The following MOCOS variants were observed in gnomAD, a reference collection of about 807,000 sequenced individuals.
MOCOS encodes human molybdenum cofactor sulfurase.
In MOCOS, 86 loss-of-function variants were observed where a neutral mutation model predicts 83.6. The observed-to-expected ratio is 1.03, with a 90% CI of 0.86 to 1.23. The LOEUF (loss-of-function observed/expected upper bound fraction) is 1.23. MOCOS is among the 50% of genes most tolerant of loss of function. The probability of loss-of-function intolerance (pLI) is 0.00; values close to 1 mark genes in which losing one functional copy is unlikely to be tolerated. For synonymous variants in MOCOS, 445 were observed against 434.7 expected (o/e 1.02, Z -0.29); for missense variants, 1,120 against 1,126.9 (o/e 0.99, Z 0.09).
In MOCOS at chr18:36,269,971, G is replaced by T. The variant is rs892835852; in HGVS notation, c.*1286G>T. The T allele has an allele frequency of 2.6e-5, 4 of 152,240 alleles. No homozygotes were observed. The highest frequency in any genetic ancestry group is 9.6e-5 in the African/African-American group (4 of 41,458). The allele number at this position is 152,240 out of a possible 1,614,324, so 9.4% of individuals were successfully genotyped here. On this transcript the variant is annotated 3_prime_UTR_variant, in exon 15 of 15. Coordinates refer to ENST00000261326, the MANE Select transcript of MOCOS (RefSeq NM_017947.4). Reference sequence around the variant, plus strand: ...CATTATCACATTTGTAGGACTTTGTGTTGTTCCCAGCACTAGGTGAGATTT... The same window carrying T: ...CATTATCACATTTGTAGGACTTTGTTTTGTTCCCAGCACTAGGTGAGATTT...
At chr18:36,219,686 A>G (rs1437032270) in intron 8 of MOCOS, among the ~76,000 whole-genome samples, 1 of 152,198 alleles carries the variant, frequency 6.6e-6, no homozygotes, top group Non-Finnish European at 1.5e-5. Flanking sequence ...CTTAAAAACA[A>G]ACAAACAAAC....
chr18:36,270,319 A>T lies in MOCOS; in HGVS notation c.*1634A>T, dbSNP rs1287410174. The T allele has an allele frequency of 6.6e-6, 1 of 152,216 alleles. No individual in the cohort carries two copies. Among genetic ancestry groups the T allele is most frequent in the Non-Finnish European group, 1.5e-5 (1 of 68,066 alleles). The allele number at this position is 152,216 out of a possible 1,614,324, so 9.4% of individuals were successfully genotyped here. A position where few individuals can be genotyped will look rare whatever the true frequency, so the allele number is the denominator to read the frequency against. The stretch of plus-strand genomic sequence containing the variant: ...CTCAGGCCAGTTTCATGCAGGAGGG[A>T]ACTTTCCAGATGGCACATTGCCCCA... On this transcript the variant is annotated 3_prime_UTR_variant, in exon 15 of 15. Transcript: ENST00000261326.
At chr18:36,259,004 A>G (rs1246167060) in intron 12 of MOCOS, among the ~76,000 whole-genome samples, 1 of 129,924 alleles carries the variant, frequency 7.7e-6, no homozygotes. Context: ...TCAACTTAAT[A>G]TGGTGGGATC....
At chr18:36,253,109 AG>A (rs1265524612) in intron 11 of MOCOS, among the ~76,000 whole-genome samples, 1 of 152,186 alleles carries the variant, frequency 6.6e-6, no homozygotes, top group Non-Finnish European at 1.5e-5. Flanking sequence ...TGGAGAAGTG[AG>A]CAGCAGTGAA....
chr18:36,267,244 T>C (rs2091684992), intron 14 of MOCOS, among the ~76,000 whole-genome samples: 1 of 152,180 alleles, frequency 6.6e-6, no homozygotes, highest in African/African-American at 2.4e-5. Context: ...GGAAATACAT[T>C]CATTAAGCCT....
rs375285028 is a variant in MOCOS at position 36,260,216 on chromosome 18, T to C, written c.2409+41T>C. ...TTCTATTATCCTTCCTCCAGGGTTG[T>C]CAATGAAGATTGACCTCAATCCCAG... On this transcript the variant is annotated intron_variant, in intron 13 of 14. Transcript: ENST00000261326. The C allele has an allele frequency of 3.7e-6, 6 of 1,613,538 alleles. No individual in the cohort carries two copies. In the African/African-American group the frequency reaches 8.0e-5, roughly 22 times the overall value.
rs144297193 is a variant in MOCOS, at chr18:36,268,493, A to T, written c.2515-40A>T. The T allele has an allele frequency of 2.3e-4, 370 of 1,613,810 alleles. 5 individuals carry two copies. The East Asian group carries it at 8.2e-3, about 36-fold the overall frequency. On this transcript the variant is annotated intron_variant, in intron 14 of 14. Coordinates refer to ENST00000261326, the MANE Select transcript of MOCOS (RefSeq NM_017947.4). The stretch of plus-strand genomic sequence containing the variant: ...ACAAAGTTATTTTAATTGCTAAAAT[A>T]ATCTAGCCTTTTTTGTTGTTGTTGC...
chr18:36,267,454 A>G (rs2091685612), intron 14 of MOCOS, among the ~76,000 whole-genome samples: 1 of 152,248 alleles, frequency 6.6e-6, no homozygotes, highest in Non-Finnish European at 1.5e-5. Context: ...TTGAAAATTA[A>G]CAGAAATAAT....
In MOCOS at chr18:36,225,471, T is replaced by G. The variant is rs537417266; in HGVS notation, c.1960+5254T>G. Among the ~76,000 whole-genome samples, 272 of 152,308 alleles carry G rather than the reference T, an allele frequency of 1.8e-3. 1 individual carries two copies. The highest frequency in any genetic ancestry group is 6.3e-3 in the African/African-American group (264 of 41,594). On this transcript the variant is annotated intron_variant, in intron 9 of 14. Transcript: ENST00000261326. ...GGCAAGTTTTCTATTTTTCTTAGTCTAGATAAAAGCTTGTCAGTTCTGTTT... is the reference window on the plus strand; with the variant it reads ...GGCAAGTTTTCTATTTTTCTTAGTCGAGATAAAAGCTTGTCAGTTCTGTTT...
intron 13 of MOCOS, among the ~76,000 whole-genome samples, chr18:36,262,276 C>CACACACAT (rs1555656486): frequency 1.3e-5 from 2 of 151,108 alleles, no homozygotes; most frequent in African/African-American, 4.9e-5. Flanking sequence ...CACACACACA[C>CACACACAT]GAAAAATTAG....
At chr18:36,211,718 G>A (rs1200401907) in intron 6 of MOCOS, among the ~76,000 whole-genome samples, 1 of 152,094 alleles carries the variant, frequency 6.6e-6, no homozygotes, top group Non-Finnish European at 1.5e-5. Context: ...AGGACAAAGG[G>A]TAAGTGTGGC....
chr18:36,198,513 G>A (rs1395272832), intron 2 of MOCOS, among the ~76,000 whole-genome samples, 177 bp from the exon 3 acceptor site: 1 of 152,218 alleles, frequency 6.6e-6, no homozygotes, highest in Non-Finnish European at 1.5e-5. Flanking sequence ...TCCCATGCAA[G>A]TCTGTATGGA....
At chr18:36,262,601 C>A (rs569220104) in intron 13 of MOCOS, among the ~76,000 whole-genome samples, 1 of 152,246 alleles carries the variant, frequency 6.6e-6, no homozygotes, top group South Asian at 2.1e-4. Context: ...CAGGTTCAAG[C>A]AATCCTCCTG....
intron 8 of MOCOS, among the ~76,000 whole-genome samples, chr18:36,218,942 C>T (rs956043398): frequency 6.6e-6 from 1 of 150,784 alleles, no homozygotes; most frequent in African/African-American, 2.4e-5. Context: ...GATCTTGGCT[C>T]ACTGCAAGCT....
At chr18:36,226,608 G>T (rs1195413449) in intron 9 of MOCOS, among the ~76,000 whole-genome samples, 1 of 150,918 alleles carries the variant, frequency 6.6e-6, no homozygotes, top group Non-Finnish European at 1.5e-5. Flanking sequence ...TAGTTCTTTT[G>T]TCTGTCTTTT....
chr18:36,227,426 C>T (rs534960008), intron 9 of MOCOS, among the ~76,000 whole-genome samples: 16 of 150,122 alleles, frequency 1.1e-4, no homozygotes, highest in Admixed American at 3.3e-4. Context: ...GATGGGGTCT[C>T]GCTCTGTCAC....
chr18:36,198,692 A>G lies in MOCOS; in HGVS notation c.235A>G (p.Asn79Asp), dbSNP rs2091400085. 1 of 1,614,100 alleles carries G rather than the reference A, an allele frequency of 6.2e-7. No homozygotes were observed. Among genetic ancestry groups the G allele is most frequent in the Non-Finnish European group, 8.5e-7 (1 of 1,180,028 alleles). The change falls in exon 3 of 15, where the codon AAT (asparagine) becomes GAT (aspartate). Residue 79 changes from asparagine (N) to aspartate (D), a missense_variant and splice_region_variant. Coordinates refer to ENST00000261326, the MANE Select transcript of MOCOS (RefSeq NM_017947.4). ...TSDLMENTYG[N>D]PHSQNISSKL... ...GCCTTGTCTTTGTAACCTGCCAGGT[A>G]ATCCTCACAGCCAGAACATCAGCAG...
chr18:36,209,826 G>A (rs950490544), intron 6 of MOCOS, among the ~76,000 whole-genome samples: 4 of 151,922 alleles, frequency 2.6e-5, no homozygotes, highest in African/African-American at 9.7e-5. Context: ...TCCACATAAT[G>A]ACGTTTTCTT....
chr18:36,262,705 G>A (rs1371594813), intron 13 of MOCOS, among the ~76,000 whole-genome samples: 1 of 152,108 alleles, frequency 6.6e-6, no homozygotes, highest in Non-Finnish European at 1.5e-5. Flanking sequence ...CACCATGTTG[G>A]CCAGACTGGT....
Sources: gnomAD v4.1 joint callset for allele counts (sites outside exome capture counted in the v4.1 genomes callset) on GRCh38, gnomAD v4.1.1 for gene constraint, MANE v1.5 for transcripts, NCBI Gene and HGNC (gene_info 2026-07-23, HGNC 2026-07-21) for gene names.